The following WWC2 variants were observed in gnomAD, a reference collection of about 807,000 sequenced individuals.
The protein encoded by WWC2 is WW and C2 domain containing 2.
Under a neutral mutation model 138.5 loss-of-function variants are expected in WWC2, and 101 were observed. The ratio of observed to expected loss-of-function variants is 0.73; its 90% CI spans 0.62 to 0.86. The LOEUF is 0.86. Among genes scored for constraint, WWC2 ranks in the 40% least tolerant of loss-of-function variants. The pLI is 0.00. For missense variants in WWC2, 1,420 were observed against 1,419.4 expected (o/e 1.00, Z -0.01); for synonymous variants, 558 against 538.4 (o/e 1.04, Z -0.50).
chr4:183,112,560 A>C (rs982325965), intron 1 of WWC2, among the ~76,000 whole-genome samples: 1 of 152,244 alleles, frequency 6.6e-6, no homozygotes, highest in Non-Finnish European at 1.5e-5. Flanking sequence ...TCATTCAATC[A>C]AACTATTCGT....
intron 1 of WWC2, among the ~76,000 whole-genome samples, chr4:183,185,127 C>T (rs1734751191): frequency 6.6e-6 from 1 of 151,944 alleles, no homozygotes; most frequent in South Asian, 2.1e-4. Context: ...TCCTCAGGTC[C>T]TTCCCAAATC....
chr4:183,280,842 C>CAAGAAG lies in WWC2; in HGVS notation c.2641_2646dup (p.Glu881_Glu882dup). ...GTTAGCTGTGGAACAAGAATTAGCACAAGAAGAAGAAGAAGAATCAGGACA... is the reference window on the plus strand; with the variant it reads ...GTTAGCTGTGGAACAAGAATTAGCACAAGAAGAAGAAGAAGAAGAAGAATCAGGACA... On this transcript the variant is annotated inframe_insertion, in exon 17 of 23. Transcript: ENST00000403733. 3 of 1,594,506 alleles carry CAAGAAG rather than the reference C, an allele frequency of 1.9e-6. No individual in the cohort carries two copies. The highest frequency in any genetic ancestry group is 2.6e-6 in the Non-Finnish European group (3 of 1,170,096).
chr4:183,156,721 T>C (rs1246512255), intron 1 of WWC2, among the ~76,000 whole-genome samples: 3 of 152,226 alleles, frequency 2.0e-5, no homozygotes, highest in African/African-American at 7.2e-5. Flanking sequence ...AAAGTACACA[T>C]TGGAAAGCTA....
chr4:183,110,456 T>G (rs562795061), intron 1 of WWC2, among the ~76,000 whole-genome samples: 6 of 151,066 alleles, frequency 4.0e-5, no homozygotes, highest in African/African-American at 1.5e-4. Flanking sequence ...TTTTTTGCTT[T>G]GTCAGTAATT....
chr4:183,261,250 G>A lies in WWC2; in HGVS notation c.1627G>A (p.Val543Met), dbSNP rs1737319431. 2.5e-6 allele frequency: 4 copies of A among 1,612,928 alleles called. No individual in the cohort carries two copies. Among genetic ancestry groups the A allele is most frequent in the Admixed American group, 1.7e-5 (1 of 59,910 alleles). ...TPPLAEAPKS[V>M]ASLSSRSSLS... is the part of the protein sequence containing the mutation. Reference sequence around the variant, plus strand: ...TCCACTGGCTGAGGCCCCGAAGTCTGTGGCCTCCCTGTCCTCGAGGTCCTC... The same window carrying A: ...TCCACTGGCTGAGGCCCCGAAGTCTATGGCCTCCCTGTCCTCGAGGTCCTC... The change falls in exon 11 of 23, where the codon GTG becomes ATG. Residue 543 changes from valine to methionine, a missense_variant. Val to Met is a conservative substitution (Grantham distance 21). Transcript: ENST00000403733.
intron 1 of WWC2, among the ~76,000 whole-genome samples, chr4:183,191,464 A>G (rs930226353): frequency 6.6e-6 from 1 of 151,776 alleles, no homozygotes; most frequent in Non-Finnish European, 1.5e-5. Context: ...CTTTCCTCCT[A>G]CCCCCTTAAA....
rs749497876 is a variant in WWC2 at position 183,265,690 on chromosome 4, C to A, written c.2042C>A (p.Pro681His). The change falls in exon 13 of 23, where the codon CCT (proline) becomes CAT (histidine). Residue 681 changes from proline (P) to histidine (H), a missense_variant and splice_region_variant. Physicochemically the swap from Pro to His is moderately conservative, Grantham distance 77. Coordinates refer to ENST00000403733, the MANE Select transcript of WWC2 (RefSeq NM_024949.6). ...SGVYEAFVKQ[P>H]SEMEDVTYSE... Reference sequence around the variant, plus strand: ...TCATCTACTCCCTGTCCATATAGACCTAGTGAAATGGAAGATGTCACATAC... The same window carrying A: ...TCATCTACTCCCTGTCCATATAGACATAGTGAAATGGAAGATGTCACATAC... 1.2e-5 allele frequency: 19 copies of A among 1,609,206 alleles called. No homozygotes were observed. The highest frequency in any genetic ancestry group is 1.6e-5 in the Non-Finnish European group (19 of 1,177,822).
chr4:183,226,756 T>TG (rs1387204562), intron 4 of WWC2, among the ~76,000 whole-genome samples: 1 of 152,058 alleles, frequency 6.6e-6, no homozygotes, highest in Non-Finnish European at 1.5e-5. Context: ...GGGACTTTTT[T>TG]TATCCAACCA....
intron 1 of WWC2, among the ~76,000 whole-genome samples, chr4:183,106,427 A>T (rs991216978): frequency 8.5e-5 from 13 of 152,262 alleles, no homozygotes; most frequent in Non-Finnish European, 1.5e-5. Context: ...AAAATTCCTC[A>T]GCATAAAATT....
At chr4:183,151,681 T>C (rs1373384368) in intron 1 of WWC2, among the ~76,000 whole-genome samples, 3 of 152,226 alleles carry the variant, frequency 2.0e-5, no homozygotes, top group Non-Finnish European at 2.9e-5. Flanking sequence ...AGGTCTAACA[T>C]TTAAGTCTTT....
intron 1 of WWC2, among the ~76,000 whole-genome samples, chr4:183,110,742 G>A (rs891951200): frequency 1.1e-4 from 17 of 152,148 alleles, no homozygotes; most frequent in South Asian, 1.0e-3. Context: ...AACTAAGTAA[G>A]TGTCCCTGGT....
intron 1 of WWC2, among the ~76,000 whole-genome samples, chr4:183,134,251 G>A (rs1027397787): frequency 6.7e-6 from 1 of 149,456 alleles, no homozygotes; most frequent in East Asian, 1.9e-4. Flanking sequence ...TTTATAGTTT[G>A]CATTCTGTTT....
intron 1 of WWC2, among the ~76,000 whole-genome samples, chr4:183,115,122 G>A (rs375327822): frequency 4.6e-5 from 7 of 152,180 alleles, no homozygotes; most frequent in African/African-American, 1.7e-4. Context: ...AGAACATGCG[G>A]TATTTGGTTT....
chr4:183,103,386 A>G (rs1579937398), intron 1 of WWC2, among the ~76,000 whole-genome samples: 1 of 136,318 alleles, frequency 7.3e-6, no homozygotes, highest in African/African-American at 2.9e-5. Flanking sequence ...CAAGTTGGAG[A>G]GCAATGACGT....
chr4:183,207,834 C>A, intron 2 of WWC2, 119 bp from the exon 3 acceptor site: 1 of 924,902 alleles, frequency 1.1e-6, no homozygotes, highest in Non-Finnish European at 1.6e-6. Flanking sequence ...GTCACTCCAG[C>A]ACAGCTAAAT....
At position 183,319,326 on chromosome 4, in the gene WWC2, C is replaced by G; in HGVS notation, c.*3597C>G. The G allele has an allele frequency of 2.2e-6, 1 of 463,856 alleles. No homozygotes were observed. Among genetic ancestry groups the G allele is most frequent in the Non-Finnish European group, 3.8e-6 (1 of 266,098 alleles). 28.7% of individuals were successfully genotyped at this position (463,856 alleles called of 1,614,324 possible). On this transcript the variant is annotated 3_prime_UTR_variant, in exon 23 of 23. Transcript: ENST00000403733. ...AATCGCTATTTTAAAATTGAGAAAA[C>G]TCATCCACAGTAATGGGTGTCATTA...
chr4:183,270,967 T>C, intron 15 of WWC2, 113 bp from the exon 16 acceptor site: 1 of 996,032 alleles, frequency 1.0e-6, no homozygotes, highest in Non-Finnish European at 1.3e-6. Flanking sequence ...GTGTTTTTTT[T>C]ACCCTAAAAC....
chr4:183,275,393 G>C (rs958772692), intron 16 of WWC2, among the ~76,000 whole-genome samples: 1 of 152,102 alleles, frequency 6.6e-6, no homozygotes, highest in Admixed American at 6.6e-5. Context: ...CCTGATCTTA[G>C]TGGAAAAGCT....
intron 1 of WWC2, among the ~76,000 whole-genome samples, chr4:183,186,579 A>G (rs931762032): frequency 6.7e-6 from 1 of 148,254 alleles, no homozygotes; most frequent in Non-Finnish European, 1.5e-5. Flanking sequence ...AGGAGAAAAA[A>G]TTAACCATAT....
Sources: gnomAD v4.1 joint callset for allele counts (sites outside exome capture counted in the v4.1 genomes callset) on GRCh38, gnomAD v4.1.1 for gene constraint, MANE v1.5 for transcripts, NCBI Gene and HGNC (gene_info 2026-07-23, HGNC 2026-07-21) for gene names.